The following ST3GAL3 variants were observed in gnomAD, a reference collection of about 807,000 sequenced individuals.
ST3GAL3 encodes the protein ST3 beta-galactoside alpha-2,3-sialyltransferase 3, also known as CMP-N-acetylneuraminate-beta-1,4-galactoside alpha-2,3-sialyltransferase.
A neutral mutation model predicts 50.1 loss-of-function variants in ST3GAL3; 21 were observed. That is an observed-to-expected ratio of 0.42 (90% CI 0.30 to 0.60). The LOEUF is 0.60. Among genes scored for constraint, ST3GAL3 ranks in the 20% least tolerant of loss-of-function variants. The pLI is 0.19. For missense variants in ST3GAL3, 353 were observed against 489.4 expected (o/e 0.72, Z 2.63); for synonymous variants, 183 against 190.0 (o/e 0.96, Z 0.30).
chr1:43,917,491 TATATATAATATATTATATA>T (rs1557534255), intron 9 of ST3GAL3, among the ~76,000 whole-genome samples: 81 of 40,802 alleles, frequency 2.0e-3, no homozygotes, highest in Admixed American at 3.7e-3. Flanking sequence ...TAATATATAA[TATATATAATATATTATATA>T]ATATAATATA....
intron 2 of ST3GAL3, among the ~76,000 whole-genome samples, chr1:43,773,186 C>T (rs572406525): frequency 1.1e-4 from 16 of 152,304 alleles, no homozygotes; most frequent in Non-Finnish European, 1.6e-4. Flanking sequence ...TAATTAATGC[C>T]TTCTGAGATA....
intron 5 of ST3GAL3, among the ~76,000 whole-genome samples, chr1:43,845,599 T>C (rs1011123721): frequency 2.0e-5 from 3 of 152,092 alleles, no homozygotes; most frequent in African/African-American, 7.2e-5. Flanking sequence ...TTTAGTTCCA[T>C]TGGTTCTTGT....
At chr1:43,851,272 G>A (rs1298696893) in intron 5 of ST3GAL3, 11 of 1,580,484 alleles carry the variant, frequency 7.0e-6, no homozygotes, top group Admixed American at 1.7e-5. Flanking sequence ...TTTTCTTCTT[G>A]TCTGTCATGA....
intron 2 of ST3GAL3, among the ~76,000 whole-genome samples, chr1:43,757,352 A>G (rs1688514088): frequency 6.6e-6 from 1 of 152,232 alleles, no homozygotes; most frequent in African/African-American, 2.4e-5. Context: ...AGAATAGTCA[A>G]ACCATTTTGA....
chr1:43,810,014 GAAA>G (rs2060362603), intron 3 of ST3GAL3, among the ~76,000 whole-genome samples: 2 of 139,856 alleles, frequency 1.4e-5, no homozygotes, highest in Admixed American at 7.1e-5. Context: ...AAAAAAGAAA[GAAA>G]GAAAAAAGAA....
chr1:43,784,524 G>A (rs972327232), intron 2 of ST3GAL3, among the ~76,000 whole-genome samples: 4 of 151,996 alleles, frequency 2.6e-5, no homozygotes, highest in African/African-American at 9.7e-5. Flanking sequence ...AAATAAATAA[G>A]TAAGTAAAAA....
chr1:43,875,479 C>A (rs1382945885), intron 5 of ST3GAL3, among the ~76,000 whole-genome samples: 1 of 152,140 alleles, frequency 6.6e-6, no homozygotes, highest in Non-Finnish European at 1.5e-5. Context: ...TTTGTCCACA[C>A]CCATATTTCA....
intron 3 of ST3GAL3, among the ~76,000 whole-genome samples, chr1:43,807,906 G>T (rs1320264642): frequency 6.6e-6 from 1 of 152,162 alleles, no homozygotes; most frequent in Non-Finnish European, 1.5e-5. Context: ...GAGGTTCTGG[G>T]TGTGTGTGAG....
intron 2 of ST3GAL3, among the ~76,000 whole-genome samples, chr1:43,751,534 A>G (rs1686083530): frequency 6.6e-6 from 1 of 152,256 alleles, no homozygotes; most frequent in African/African-American, 2.4e-5. Context: ...TGGCTAAGGT[A>G]GATCTTCATA....
At chr1:43,844,811 A>C (rs1445680623) in intron 5 of ST3GAL3, among the ~76,000 whole-genome samples, 4 of 151,330 alleles carry the variant, frequency 2.6e-5, no homozygotes, top group Non-Finnish European at 2.9e-5. Flanking sequence ...TGGGCGACAT[A>C]GCAAGACTCC....
At chr1:43,817,736 T>TCCC (rs2061548237) in intron 4 of ST3GAL3, among the ~76,000 whole-genome samples, 1 of 98,170 alleles carries the variant, frequency 1.0e-5, no homozygotes, top group Non-Finnish European at 2.1e-5. Context: ...CTCCTCCCCC[T>TCCC]CCTCCTCCTT....
intron 2 of ST3GAL3, among the ~76,000 whole-genome samples, chr1:43,778,684 C>T (rs1698240954): frequency 2.4e-5 from 3 of 123,342 alleles, no homozygotes; most frequent in South Asian, 2.6e-4. Context: ...CTCGCTCTGT[C>T]GCCCAGGCTG....
intron 9 of ST3GAL3, among the ~76,000 whole-genome samples, chr1:43,905,747 T>G (rs1322134996): frequency 8.9e-6 from 1 of 112,816 alleles, no homozygotes; most frequent in Non-Finnish European, 1.8e-5. Flanking sequence ...CCTGCCACTC[T>G]TCCTCCCCCT....
intron 2 of ST3GAL3, among the ~76,000 whole-genome samples, chr1:43,749,407 C>G (rs1366115608): frequency 6.6e-6 from 1 of 152,060 alleles, no homozygotes; most frequent in Admixed American, 6.6e-5. Flanking sequence ...ATACATTGGG[C>G]AAAGGACTTG....
intron 5 of ST3GAL3, among the ~76,000 whole-genome samples, chr1:43,887,610 C>T (rs2076161944): frequency 6.6e-6 from 1 of 152,104 alleles, no homozygotes; most frequent in Admixed American, 6.5e-5. Context: ...AAGTCATCTT[C>T]GAGGCCAGAG....
chr1:43,843,227 A>G (rs1481863795), intron 5 of ST3GAL3, among the ~76,000 whole-genome samples: 1 of 152,180 alleles, frequency 6.6e-6, no homozygotes, highest in Non-Finnish European at 1.5e-5. Flanking sequence ...CATAGATACC[A>G]TTTTTTAGGT....
intron 4 of ST3GAL3, among the ~76,000 whole-genome samples, chr1:43,816,119 C>T (rs1203847774): frequency 6.6e-6 from 1 of 152,136 alleles, no homozygotes; most frequent in Non-Finnish European, 1.5e-5. Flanking sequence ...CACCTGTGTC[C>T]CCTGCCCTGT....
chr1:43,761,716 C>T (rs975626192), intron 2 of ST3GAL3, among the ~76,000 whole-genome samples: 1 of 151,518 alleles, frequency 6.6e-6, no homozygotes, highest in Admixed American at 6.6e-5. Flanking sequence ...TTTGGGAGGC[C>T]AAGGTGGGCG....
chr1:43,824,856 A>T (rs1284217182), intron 4 of ST3GAL3: 1 of 1,020,538 alleles, frequency 9.8e-7, no homozygotes, highest in East Asian at 2.4e-5. Flanking sequence ...CTGAGCGAGG[A>T]CACAGCCTTT....
Sources: gnomAD v4.1 joint callset for allele counts (sites outside exome capture counted in the v4.1 genomes callset) on GRCh38, gnomAD v4.1.1 for gene constraint, MANE v1.5 for transcripts, NCBI Gene and HGNC (gene_info 2026-07-23, HGNC 2026-07-21) for gene names.